Variants in SEMA4G observed in about 807,000 individuals in gnomAD.
SEMA4G encodes semaphorin-4G.
Under a neutral mutation model 81.2 loss-of-function variants are expected in SEMA4G, and 59 were observed. That is an observed-to-expected ratio of 0.73 (90% CI 0.59 to 0.90). The LOEUF is 0.90. SEMA4G is among the 40% of genes least tolerant of loss of function. The pLI, the probability that SEMA4G is intolerant of heterozygous loss-of-function variation, is 0.00. For missense variants in SEMA4G, 952 were observed against 1,102.3 expected (o/e 0.86, Z 1.93); for synonymous variants, 404 against 433.9 (o/e 0.93, Z 0.86).
exon 8 of SEMA4G, chr10:100,979,164 C>T: frequency 1.2e-6 from 2 of 1,614,216 alleles, no homozygotes; most frequent in Non-Finnish European, 1.7e-6. Context: ...AAGCCCGTCT[C>T]ATCTGCCACA....
At chr10:100,978,678 G>A in intron 6 of SEMA4G, 38 bp downstream of exon 7, 1 of 1,591,842 alleles carries the variant, frequency 6.3e-7, no homozygotes, top group Non-Finnish European at 8.6e-7. Flanking sequence ...GGGGGTAGGG[G>A]ACTATTTCTT....
At chr10:100,981,057 A>T in intron 12 of SEMA4G, 60 bp downstream of exon 13, 1 of 1,599,272 alleles carries the variant, frequency 6.3e-7, no homozygotes, top group East Asian at 2.2e-5. Context: ...AAGGCCTGAT[A>T]GCTACTGGGG....
At chr10:100,972,321 C>G (rs1589978003), upstream of SEMA4G, among the ~76,000 whole-genome samples, 1 of 151,986 alleles carries the variant, frequency 6.6e-6, no homozygotes, top group East Asian at 1.9e-4. Context: ...TTGTGGGCAT[C>G]TAGGGTCTTG....
At position 100,973,471 on chromosome 10, in the gene SEMA4G, G is replaced by C. The variant is rs1589979043; in HGVS notation, c.274-76G>C. 3 of 1,504,648 alleles carry C rather than the reference G, an allele frequency of 2.0e-6. No homozygotes were observed. In the South Asian group the frequency reaches 3.4e-5, roughly 17 times the overall value. 93.2% of individuals were successfully genotyped at this position (1,504,648 alleles called of 1,614,324 possible). A position where few individuals can be genotyped will look rare whatever the true frequency, so the allele number is the denominator to read the frequency against. On this transcript the variant is annotated intron_variant, in intron 2 of 13. Coordinates refer to ENST00000370250, the Ensembl canonical transcript of SEMA4G. This position sits in a 1 kb window ranked among gnomAD's most constrained non-coding sequence, Gnocchi z 5.5. ...CCCACCCCAATTTCCCCAACTCTGTGGGGTCCTATTGCCTGGTCCTATGAG... is the reference window on the plus strand; with the variant it reads ...CCCACCCCAATTTCCCCAACTCTGTCGGGTCCTATTGCCTGGTCCTATGAG...
At chr10:100,978,433 T>C (rs1277809250) in intron 5 of SEMA4G, 45 bp downstream of exon 6, 1 of 1,603,872 alleles carries the variant, frequency 6.2e-7, no homozygotes, top group South Asian at 1.1e-5. Flanking sequence ...ATTTTTAGGA[T>C]GTGGATCTCA....
exon 9 of SEMA4G, chr10:100,979,975 G>A (rs965691185): frequency 1.2e-6 from 2 of 1,613,992 alleles, no homozygotes; most frequent in Non-Finnish European, 1.7e-6. Context: ...TGGGGTGCCT[G>A]AGCCCCGGCC....
At chr10:100,977,254 C>T (rs759853711) in intron 3 of SEMA4G, among the ~76,000 whole-genome samples, 54 of 152,032 alleles carry the variant, frequency 3.6e-4, no homozygotes, top group South Asian at 2.1e-4. Flanking sequence ...ATCACCCCAG[C>T]GAGGAGGGCA....
Position 100,973,396 on chromosome 10 carries a change from C to A in SEMA4G, c.273+119C>A. On this transcript the variant is annotated intron_variant, in intron 2 of 13. Transcript: ENST00000370250. The surrounding 1 kb of genome is among the most constrained non-coding windows in gnomAD (Gnocchi z 5.5). ...AGCCCCCTGGTCAGACAGCACTGCC[C>A]TTCCCAGCCCAGGTGTTCCTTGCAT... The A allele has an allele frequency of 7.0e-7, 1 of 1,419,732 alleles. No individual in the cohort carries two copies. The highest frequency in any genetic ancestry group is 2.4e-5 in the East Asian group (1 of 41,598). The allele number at this position is 1,419,732 out of a possible 1,614,324, so 87.9% of individuals were successfully genotyped here.
At chr10:100,970,742 G>T (rs1459388760), upstream of SEMA4G, among the ~76,000 whole-genome samples, 5 of 152,238 alleles carry the variant, frequency 3.3e-5, no homozygotes, top group African/African-American at 1.2e-4. Flanking sequence ...CTGCATGGAT[G>T]TAGTTGTGTG....
At chr10:100,978,134 G>A (rs1196433201) in intron 4 of SEMA4G, 161 bp from the exon 6 acceptor site, 3 of 610,046 alleles carry the variant, frequency 4.9e-6, no homozygotes, top group African/African-American at 3.7e-5. Flanking sequence ...AGGCCATAAG[G>A]TCATTCTCAG....
At position 100,973,520 on chromosome 10, in the gene SEMA4G, T is replaced by C. The variant is rs766158670; in HGVS notation, c.274-27T>C. ...AGTAATAGGTATTGGGGTCAGTGCA[T>C]CAGCCTATTCCCTTTGCCTCCACTA... is the stretch of plus-strand genomic sequence containing the variant. On this transcript the variant is annotated intron_variant, in intron 2 of 13. Coordinates refer to ENST00000370250, the Ensembl canonical transcript of SEMA4G. This position sits in a 1 kb window ranked among gnomAD's most constrained non-coding sequence, Gnocchi z 5.5. 3.1e-6 allele frequency: 5 copies of C among 1,610,766 alleles called. No individual in the cohort carries two copies. In the African/African-American group the frequency reaches 6.7e-5, roughly 22 times the overall value.
intron 7 of SEMA4G, 34 bp downstream of exon 8, chr10:100,979,052 A>C: frequency 6.2e-7 from 1 of 1,612,970 alleles, no homozygotes; most frequent in Non-Finnish European, 8.5e-7. Context: ...ACGGGTATAG[A>C]GGCTGGACCT....
chr10:100,978,474 T>C, intron 5 of SEMA4G, 53 bp from the exon 7 acceptor site: 1 of 1,597,474 alleles, frequency 6.3e-7, no homozygotes, highest in Non-Finnish European at 8.6e-7. Flanking sequence ...GTATATGTCA[T>C]GTGCCCTGTT....
intron 3 of SEMA4G, 98 bp from the exon 5 acceptor site, chr10:100,977,534 C>A: frequency 1.1e-6 from 1 of 882,526 alleles, no homozygotes; most frequent in Non-Finnish European, 1.9e-6. Context: ...ACCGTTTGTC[C>A]TGTGGGTGGG....
chr10:100,972,494 A>G (rs1205402803), upstream of SEMA4G: 1 of 180,730 alleles, frequency 5.5e-6, no homozygotes, highest in African/African-American at 2.4e-5. Context: ...CCACATACAG[A>G]TCAAAGGGCT....
chr10:100,979,735 T>G (rs563693231), intron 8 of SEMA4G, 113 bp from the exon 10 acceptor site: 4 of 1,241,106 alleles, frequency 3.2e-6, no homozygotes, highest in Non-Finnish European at 3.4e-6. Flanking sequence ...AGAGGCCCTG[T>G]GGGACTATAG....
At chr10:100,977,859 G>T in intron 4 of SEMA4G, 129 bp downstream of exon 5, 2 of 764,322 alleles carry the variant, frequency 2.6e-6, no homozygotes, top group East Asian at 2.6e-5. Flanking sequence ...CTTCCATACA[G>T]GGCACTCCAG....
At chr10:100,983,231 T>C (rs753218894) in intron 13 of SEMA4G, 74 bp from the exon 15 acceptor site, 36 of 1,439,542 alleles carry the variant, frequency 2.5e-5, no homozygotes, top group Non-Finnish European at 3.3e-5. Flanking sequence ...GACTTGGCAG[T>C]GAACAGTCTG....
chr10:100,982,218 G>A (rs1449657183), intron 13 of SEMA4G, among the ~76,000 whole-genome samples: 1 of 152,038 alleles, frequency 6.6e-6, no homozygotes, highest in African/African-American at 2.4e-5. Flanking sequence ...AGCAGAGGGA[G>A]CAGCAGGCAG....
Sources: gnomAD v4.1 joint callset for allele counts (sites outside exome capture counted in the v4.1 genomes callset) on GRCh38, gnomAD v4.1.1 for gene constraint, Gnocchi (gnomAD v3.1) non-coding constraint, MANE v1.5 for transcripts, NCBI Gene and HGNC (gene_info 2026-07-23, HGNC 2026-07-21) for gene names.